Variants in STK38 observed in about 807,000 individuals in gnomAD.
The protein encoded by STK38 is serine/threonine-protein kinase 38.
Under a neutral mutation model 59.0 loss-of-function variants are expected in STK38, and 26 were observed. The ratio of observed to expected loss-of-function variants is 0.44; its 90% CI spans 0.32 to 0.61. The LOEUF is 0.61. STK38 is among the 20% of genes least tolerant of loss of function. The pLI, the probability that STK38 is intolerant of heterozygous loss-of-function variation, is 0.04. For synonymous variants in STK38, 175 were observed against 176.6 expected (o/e 0.99, Z 0.07); for missense variants, 433 against 566.0 (o/e 0.76, Z 2.38).
intron 1 of STK38, among the ~76,000 whole-genome samples, chr6:36,542,239 T>C (rs537954791): frequency 6.6e-6 from 1 of 152,332 alleles, no homozygotes; most frequent in Middle Eastern, 3.4e-3. Flanking sequence ...GGTAATCTGA[T>C]ACATATATGC....
At chr6:36,515,550 AC>A (rs1777229710) in intron 6 of STK38, 58 bp from the exon 7 acceptor site, 4 of 1,596,610 alleles carry the variant, frequency 2.5e-6, no homozygotes, top group Non-Finnish European at 3.4e-6. Flanking sequence ...ACACACACAC[AC>A]ACACAACATA....
chr6:36,505,915 C>G (rs145825349), intron 9 of STK38, among the ~76,000 whole-genome samples: 3 of 152,166 alleles, frequency 2.0e-5, no homozygotes, highest in Admixed American at 1.3e-4. Flanking sequence ...ACCAATTTAT[C>G]AGCTATTGGC....
intron 2 of STK38, among the ~76,000 whole-genome samples, chr6:36,532,977 C>G (rs984815548): frequency 6.7e-6 from 1 of 149,698 alleles, no homozygotes; most frequent in Admixed American, 6.8e-5. Flanking sequence ...GAGGCTGAGG[C>G]AGGAGAATTG....
At chr6:36,515,096 C>T (rs919870479) in intron 7 of STK38, among the ~76,000 whole-genome samples, 3 of 151,992 alleles carry the variant, frequency 2.0e-5, no homozygotes, top group African/African-American at 7.3e-5. Context: ...CCCTCTACAT[C>T]AATTTTGCTC....
At chr6:36,507,677 C>T in intron 7 of STK38, 75 bp from the exon 8 acceptor site, 1 of 1,103,666 alleles carries the variant, frequency 9.1e-7, no homozygotes, top group East Asian at 2.4e-5. Context: ...TCTGCTCCTT[C>T]CAGCATCCAT....
intron 7 of STK38, among the ~76,000 whole-genome samples, chr6:36,507,960 G>A (rs745832967): frequency 1.2e-4 from 15 of 124,220 alleles, no homozygotes; most frequent in Non-Finnish European, 2.2e-4. Context: ...TTGAGACATG[G>A]TCTTGCTGTG....
chr6:36,513,878 A>G (rs1197577649), intron 7 of STK38, among the ~76,000 whole-genome samples: 1 of 140,596 alleles, frequency 7.1e-6, no homozygotes, highest in Non-Finnish European at 1.5e-5. Context: ...AAAAAAGGCC[A>G]GGCTTGGTGG....
Position 36,515,402 on chromosome 6 carries a change from G to A in STK38, c.605C>T (p.Ser202Phe), listed in dbSNP as rs773594967. Residue 202 changes from serine to phenylalanine, a missense_variant, in exon 7 of 14, where the codon TCT becomes TTT. This residue lies in a region of STK38 where 293 missense variants were observed against 388.2 expected (regional missense o/e 0.75). Transcript: ENST00000229812. Reference protein sequence around the residue: ...YIAETVLAIDSIHQLGFIHRD... With the variant: ...YIAETVLAIDFIHQLGFIHRD... Reference sequence around the variant, plus strand: ...GTGGATGAATCCAAGTTGGTGAATAGAGTCTATGGCTAATACTGTTTCTGC... The same window carrying A: ...GTGGATGAATCCAAGTTGGTGAATAAAGTCTATGGCTAATACTGTTTCTGC... The A allele has an allele frequency of 1.2e-6, 2 of 1,614,096 alleles. No homozygotes were observed. Among genetic ancestry groups the A allele is most frequent in the Non-Finnish European group, 1.7e-6 (2 of 1,180,028 alleles).
chr6:36,534,115 G>C (rs1044279322), intron 2 of STK38, among the ~76,000 whole-genome samples: 1 of 151,988 alleles, frequency 6.6e-6, no homozygotes, highest in East Asian at 1.9e-4. Context: ...ATGTCATCAA[G>C]AGGGTTTTAC....
At chr6:36,529,100 G>T (rs998145123) in intron 2 of STK38, among the ~76,000 whole-genome samples, 2 of 152,192 alleles carry the variant, frequency 1.3e-5, no homozygotes, top group African/African-American at 4.8e-5. Flanking sequence ...AGCCTGAAAT[G>T]AGACTTAAAA....
chr6:36,522,123 CAT>C (rs538439298), intron 4 of STK38: 140 of 201,012 alleles, frequency 7.0e-4, no homozygotes, highest in African/African-American at 3.0e-3. Context: ...ACCTCTGACA[CAT>C]GTCATCCAGT....
chr6:36,528,159 T>C (rs969197529), intron 2 of STK38, among the ~76,000 whole-genome samples: 4 of 151,204 alleles, frequency 2.6e-5, no homozygotes, highest in Non-Finnish European at 5.9e-5. Flanking sequence ...ATGTAGTCCA[T>C]TGTGGCTGAC....
rs866189030 is a variant in STK38, at chr6:36,547,412, G to C, written c.-228C>G. ...CCGGAAAAGACGCGAGCGCTGAGGG[G>C]CCAAGGCAGCCCGGTCCCCCGCCGC... On this transcript the variant is annotated 5_prime_UTR_variant, in exon 1 of 14. Transcript: ENST00000229812. 1 of 152,334 alleles carries C rather than the reference G, an allele frequency of 6.6e-6. No homozygotes were observed. The highest frequency in any genetic ancestry group is 2.4e-5 in the African/African-American group (1 of 41,468). 9.4% of individuals were successfully genotyped at this position (152,334 alleles called of 1,614,324 possible).
At chr6:36,539,981 T>A in intron 2 of STK38, 91 bp downstream of exon 2, 1 of 1,560,584 alleles carries the variant, frequency 6.4e-7, no homozygotes, top group Non-Finnish European at 8.7e-7. Flanking sequence ...GCTGCTACTA[T>A]TCTTGTCTCC....
intron 6 of STK38, 133 bp from the exon 7 acceptor site, chr6:36,515,625 C>T (rs1048432385): frequency 1.4e-6 from 2 of 1,462,764 alleles, no homozygotes; most frequent in South Asian, 1.3e-5. Context: ...CTAAACAGAC[C>T]TCTTCTGTGT....
At chr6:36,532,087 C>A (rs1238399320) in intron 2 of STK38, among the ~76,000 whole-genome samples, 1 of 152,084 alleles carries the variant, frequency 6.6e-6, no homozygotes, top group Non-Finnish European at 1.5e-5. Context: ...TCAATTATCT[C>A]ATATCATCAA....
At chr6:36,496,404 A>T (rs1400220614) in intron 13 of STK38, among the ~76,000 whole-genome samples, 4 of 152,062 alleles carry the variant, frequency 2.6e-5, no homozygotes, top group Admixed American at 2.0e-4. Context: ...TTCTTCACAA[A>T]TTTTTTAATG....
Position 36,496,707 on chromosome 6 carries a change from T to C in STK38, c.1267+4A>G. 6.2e-7 allele frequency: 1 copy of C among 1,607,834 alleles called. No individual in the cohort carries two copies. On this transcript the variant is annotated splice_donor_region_variant and intron_variant, in intron 13 of 13. Transcript: ENST00000229812. Reference sequence around the variant, plus strand: ...GCAGCAGGAGACAATGCTGGTGGTGTTACCTGTTGGCTTAAGAATATCAGA... The same window carrying C: ...GCAGCAGGAGACAATGCTGGTGGTGCTACCTGTTGGCTTAAGAATATCAGA...
At chr6:36,533,878 T>G (rs572743859) in intron 2 of STK38, among the ~76,000 whole-genome samples, 8 of 152,334 alleles carry the variant, frequency 5.3e-5, no homozygotes, top group African/African-American at 1.9e-4. Flanking sequence ...GAATTCCCCA[T>G]GATCCTAACA....
Sources: allele counts gnomAD v4.1 joint callset (sites outside exome capture counted in the v4.1 genomes callset), GRCh38; gene constraint gnomAD v4.1.1; regional missense constraint gnomAD v4.1.1; transcripts MANE v1.5; gene names NCBI Gene and HGNC (gene_info 2026-07-23, HGNC 2026-07-21).